Variants in SNX24 observed in about 807,000 individuals in gnomAD.
SNX24 encodes the protein sorting nexin-24.
In SNX24, 22 loss-of-function variants were observed where a neutral mutation model predicts 28.7. The observed-to-expected ratio is 0.77, with a 90% CI of 0.55 to 1.10. The LOEUF is 1.10. Ranked by LOEUF, SNX24 falls within the 50% of genes least tolerant of loss-of-function variation. The probability of loss-of-function intolerance (pLI) is 0.00; values close to 1 mark genes in which losing one functional copy is unlikely to be tolerated. For missense variants in SNX24, 221 were observed against 201.1 expected (o/e 1.10, Z -0.60); for synonymous variants, 69 against 71.5 (o/e 0.96, Z 0.18).
At chr5:122,885,846 A>T (rs1262952052) in intron 1 of SNX24, among the ~76,000 whole-genome samples, 1 of 151,816 alleles carries the variant, frequency 6.6e-6, no homozygotes, top group Non-Finnish European at 1.5e-5. Context: ...GGGAGGGGGG[A>T]TGAGATGAAA....
rs949965697 is a variant in SNX24 at position 123,008,045 on chromosome 5, G to A, written c.*296G>A. 7 of 1,085,278 alleles carry A rather than the reference G, an allele frequency of 6.4e-6. No homozygotes were observed. The Admixed American group carries it at 3.5e-4, about 54-fold the overall frequency. 67.2% of individuals were successfully genotyped at this position (1,085,278 alleles called of 1,614,324 possible). A position where few individuals can be genotyped will look rare whatever the true frequency, so the allele number is the denominator to read the frequency against. On this transcript the variant is annotated 3_prime_UTR_variant, in exon 7 of 7. Coordinates refer to ENST00000261369, the MANE Select transcript of SNX24 (RefSeq NM_014035.4). The stretch of plus-strand genomic sequence containing the variant: ...CAGGAGATTCCTGGGAGCACTGGGT[G>A]TAGCAAAACAAAGCCACTCTCTGCT...
chr5:122,916,628 T>G (rs1457107838), intron 1 of SNX24, among the ~76,000 whole-genome samples: 1 of 152,226 alleles, frequency 6.6e-6, no homozygotes, highest in Admixed American at 6.5e-5. Context: ...AATTCTGTGT[T>G]TGTTACTTCC....
intron 1 of SNX24, among the ~76,000 whole-genome samples, chr5:122,867,175 CA>C (rs1755758529): frequency 6.6e-6 from 1 of 152,232 alleles, no homozygotes; most frequent in South Asian, 2.1e-4. Context: ...GCCATTCCAT[CA>C]TTCTACCAAG....
chr5:122,907,988 C>T (rs1274628656), intron 1 of SNX24, among the ~76,000 whole-genome samples: 3 of 151,612 alleles, frequency 2.0e-5, no homozygotes, highest in Non-Finnish European at 4.4e-5. Flanking sequence ...AGGACAGATT[C>T]ACAAGTAGTT....
At chr5:122,994,637 A>G (rs1387974522) in intron 3 of SNX24, among the ~76,000 whole-genome samples, 2 of 152,200 alleles carry the variant, frequency 1.3e-5, no homozygotes, top group Non-Finnish European at 2.9e-5. Context: ...CAATAAAAAG[A>G]GCATTTCTTC....
chr5:122,868,061 C>T (rs935072552), intron 1 of SNX24, among the ~76,000 whole-genome samples: 1 of 152,218 alleles, frequency 6.6e-6, no homozygotes, highest in Non-Finnish European at 1.5e-5. Flanking sequence ...CTGTGCACTT[C>T]CAGTTAATAC....
At chr5:122,934,030 G>A (rs973471107) in intron 1 of SNX24, among the ~76,000 whole-genome samples, 16 of 151,920 alleles carry the variant, frequency 1.1e-4, no homozygotes, top group African/African-American at 3.9e-4. Context: ...TGATACGCCC[G>A]TCTCAGCCCC....
chr5:122,899,016 C>G (rs2150077471), intron 1 of SNX24, among the ~76,000 whole-genome samples: 1 of 152,248 alleles, frequency 6.6e-6, no homozygotes, highest in East Asian at 1.9e-4. Flanking sequence ...GTGGGCTGTC[C>G]TGGCCATTTT....
At chr5:122,921,462 T>C (rs1758427032) in intron 1 of SNX24, among the ~76,000 whole-genome samples, 1 of 152,228 alleles carries the variant, frequency 6.6e-6, no homozygotes, top group African/African-American at 2.4e-5. Context: ...AAAAAGTTTC[T>C]TTTAAGTCTA....
intron 1 of SNX24, among the ~76,000 whole-genome samples, chr5:122,862,463 C>T (rs955725180): frequency 6.6e-5 from 10 of 151,644 alleles, no homozygotes; most frequent in Admixed American, 1.3e-4. Flanking sequence ...AAAAAAAGTA[C>T]GTGGTGGCGG....
At chr5:122,957,633 A>C (rs944241732) in intron 3 of SNX24, among the ~76,000 whole-genome samples, 1 of 152,208 alleles carries the variant, frequency 6.6e-6, no homozygotes, top group African/African-American at 2.4e-5. Flanking sequence ...CATCTTAACA[A>C]TTTCAGGTCT....
intron 1 of SNX24, among the ~76,000 whole-genome samples, chr5:122,903,270 G>T (rs1561571663): frequency 6.6e-6 from 1 of 152,024 alleles, no homozygotes; most frequent in Non-Finnish European, 1.5e-5. Context: ...ACTACATCTG[G>T]CTAATATTCG....
chr5:122,995,343 C>T (rs1307846588), intron 3 of SNX24, among the ~76,000 whole-genome samples: 1 of 152,230 alleles, frequency 6.6e-6, no homozygotes, highest in African/African-American at 2.4e-5. Context: ...TGACTTTCCA[C>T]TGCCTGGTTC....
intron 3 of SNX24, among the ~76,000 whole-genome samples, chr5:122,967,176 G>C (rs565272907): frequency 1.4e-4 from 22 of 152,260 alleles, no homozygotes; most frequent in African/African-American, 5.3e-4. Flanking sequence ...CGTCTTTTAA[G>C]AACCTGTGCT....
At chr5:122,884,445 C>A (rs968992519) in intron 1 of SNX24, among the ~76,000 whole-genome samples, 3 of 151,720 alleles carry the variant, frequency 2.0e-5, no homozygotes, top group African/African-American at 7.3e-5. Flanking sequence ...TGGGGTTTCA[C>A]CATGCTGGCC....
At chr5:123,022,207 T>TG (rs1293341673) in intron 5 of SNX24, 1 of 152,196 alleles carries the variant, frequency 6.6e-6, no homozygotes, top group Non-Finnish European at 1.5e-5. Flanking sequence ...AAATATTTGT[T>TG]GGAAAAAAAT....
At chr5:122,884,762 G>A (rs1424971616) in intron 1 of SNX24, among the ~76,000 whole-genome samples, 2 of 152,126 alleles carry the variant, frequency 1.3e-5, no homozygotes, top group African/African-American at 4.8e-5. Context: ...GAGTGGGGGT[G>A]CTCTGTGGTT....
At chr5:122,896,040 T>C (rs1413222894) in intron 1 of SNX24, among the ~76,000 whole-genome samples, 1 of 152,006 alleles carries the variant, frequency 6.6e-6, no homozygotes, top group Non-Finnish European at 1.5e-5. Flanking sequence ...TCCCAGCTAC[T>C]CGAGAGGCTG....
chr5:123,019,131 A>G (rs1177048709), intron 5 of SNX24, among the ~76,000 whole-genome samples: 1 of 152,206 alleles, frequency 6.6e-6, no homozygotes, highest in Non-Finnish European at 1.5e-5. Flanking sequence ...AACACTAGCA[A>G]ACCTTGGAGG....
Sources: gnomAD v4.1 joint callset for allele counts (sites outside exome capture counted in the v4.1 genomes callset) on GRCh38, gnomAD v4.1.1 for gene constraint, MANE v1.5 for transcripts, NCBI Gene and HGNC (gene_info 2026-07-23, HGNC 2026-07-21) for gene names.